The following ZMIZ1 variants were observed in gnomAD, a reference collection of about 807,000 sequenced individuals.
The protein encoded by ZMIZ1 is zinc finger MIZ domain-containing protein 1.
ZMIZ1 carries 17 observed loss-of-function variants against 113.9 expected under a neutral mutation model. That is an observed-to-expected ratio of 0.15 (90% CI 0.10 to 0.22). The LOEUF (loss-of-function observed/expected upper bound fraction) is 0.22. Among genes scored for constraint, ZMIZ1 ranks in the 10% least tolerant of loss-of-function variants. ZMIZ1 has a pLI of 1.00. For synonymous variants in ZMIZ1, 607 were observed against 603.1 expected (o/e 1.01, Z -0.09); for missense variants, 1,059 against 1,477.8 (o/e 0.72, Z 4.65).
chr10:79,078,823 T>C (rs1842565679), intron 1 of ZMIZ1, among the ~76,000 whole-genome samples: 1 of 151,654 alleles, frequency 6.6e-6, no homozygotes, highest in African/African-American at 2.4e-5. Context: ...GTGCTGGGAT[T>C]ACAAGCATGA....
At chr10:79,157,253 T>G (rs1390710205) in intron 3 of ZMIZ1, among the ~76,000 whole-genome samples, 1 of 151,954 alleles carries the variant, frequency 6.6e-6, no homozygotes, top group Non-Finnish European at 1.5e-5. Context: ...GTGCTGAGGA[T>G]GGAGTGATGG....
chr10:79,077,730 T>G (rs115946053), intron 1 of ZMIZ1, among the ~76,000 whole-genome samples: 1 of 152,340 alleles, frequency 6.6e-6, no homozygotes, highest in African/African-American at 2.4e-5. Context: ...TTCTCCGACT[T>G]TGGTCTCCAC....
intron 4 of ZMIZ1, among the ~76,000 whole-genome samples, chr10:79,198,025 T>C (rs1483895362): frequency 6.6e-6 from 1 of 152,104 alleles, no homozygotes; most frequent in Non-Finnish European, 1.5e-5. Context: ...TTTTGGAGGC[T>C]GAGATGGGTG....
Position 79,309,267 on chromosome 10 carries a change from G to A in ZMIZ1, c.2836-1657G>A, listed in dbSNP as rs147553340. Among the ~76,000 whole-genome samples the A allele has an allele frequency of 4.4e-3, 668 of 152,284 alleles. 14 individuals are homozygous for A. The highest frequency in any genetic ancestry group is 0.039 in the Admixed American group (597 of 15,296). ...CCAACAGCACCTGCCCCTCCATGCC[G>A]GAGACATTCCAGCCAGATACGAAGC... On this transcript the variant is annotated intron_variant, in intron 23 of 24. Transcript: ENST00000334512.
In ZMIZ1 at chr10:79,238,871, A is replaced by C. The variant is rs1589463527; in HGVS notation, c.280+22597A>C. ...GAAAATGCCTGGAAGTGTGCCTGCCAACCAGCAAGCTCTCAGTAACCATGA... is the reference window on the plus strand; with the variant it reads ...GAAAATGCCTGGAAGTGTGCCTGCCCACCAGCAAGCTCTCAGTAACCATGA... On this transcript the variant is annotated intron_variant, in intron 7 of 24. Coordinates refer to ENST00000334512, the MANE Select transcript of ZMIZ1 (RefSeq NM_020338.4). 3.3e-5 allele frequency among the ~76,000 whole-genome samples: 5 copies of C among 152,324 alleles called. No homozygotes were observed. The South Asian group carries it at 1.0e-3, about 32-fold the overall frequency.
chr10:79,271,696 T>C (rs1240378432), intron 7 of ZMIZ1, among the ~76,000 whole-genome samples: 1 of 152,068 alleles, frequency 6.6e-6, no homozygotes, highest in East Asian at 1.9e-4. Flanking sequence ...ATTTTATAGA[T>C]GGGAAACTGG....
intron 1 of ZMIZ1, among the ~76,000 whole-genome samples, chr10:79,102,571 A>G (rs776808829): frequency 1.3e-5 from 2 of 152,218 alleles, no homozygotes; most frequent in Non-Finnish European, 2.9e-5. Context: ...TGCAACAGAA[A>G]TATTGGAGCC....
chr10:79,102,850 A>T (rs1240991974), intron 1 of ZMIZ1, among the ~76,000 whole-genome samples: 1 of 152,162 alleles, frequency 6.6e-6, no homozygotes, highest in Non-Finnish European at 1.5e-5. Flanking sequence ...GTAGCTGTTC[A>T]CTCACTTGTT....
At chr10:79,298,626 C>T in intron 15 of ZMIZ1, 46 bp downstream of exon 15, 1 of 1,536,348 alleles carries the variant, frequency 6.5e-7, no homozygotes, top group Admixed American at 2.1e-5. Context: ...CTGGGCCCCC[C>T]AGTGGGCCGG....
intron 1 of ZMIZ1, among the ~76,000 whole-genome samples, chr10:79,096,167 G>C (rs191055901): frequency 1.6e-4 from 24 of 152,310 alleles, no homozygotes; most frequent in Admixed American, 1.5e-3. Context: ...CTGGAGGAGA[G>C]GGGGAGGAGA....
At chr10:79,268,633 G>A (rs537395672) in intron 7 of ZMIZ1, among the ~76,000 whole-genome samples, 11 of 152,238 alleles carry the variant, frequency 7.2e-5, no homozygotes, top group African/African-American at 2.4e-4. Context: ...AAATCCGATC[G>A]TGGCCCCAGG....
rs1372739684 is a variant in ZMIZ1 at position 79,263,884 on chromosome 10, C to G, written c.281-13297C>G. Among the ~76,000 whole-genome samples, 4 of 152,142 alleles carry G rather than the reference C, an allele frequency of 2.6e-5. No individual in the cohort carries two copies. In the East Asian group the frequency reaches 7.7e-4, roughly 29 times the overall value. On this transcript the variant is annotated intron_variant, in intron 7 of 24. Transcript: ENST00000334512. The stretch of plus-strand genomic sequence containing the variant: ...CTCACTCCAACCACTTCTTCTTATG[C>G]TGGGTGGGAGAGGACACAGCTAAAC...
intron 2 of ZMIZ1, among the ~76,000 whole-genome samples, chr10:79,131,394 G>T (rs1844762095): frequency 6.6e-6 from 1 of 151,072 alleles, no homozygotes; most frequent in African/African-American, 2.5e-5. Flanking sequence ...AGGTTTTTCA[G>T]GGGGTTTATC....
At chr10:79,232,847 C>T (rs1849446318) in intron 7 of ZMIZ1, among the ~76,000 whole-genome samples, 1 of 152,222 alleles carries the variant, frequency 6.6e-6, no homozygotes, top group Admixed American at 6.5e-5. Context: ...AGATGTGCCA[C>T]TTTGAGCCTC....
chr10:79,141,843 G>A (rs1239495174), intron 3 of ZMIZ1, among the ~76,000 whole-genome samples: 1 of 152,234 alleles, frequency 6.6e-6, no homozygotes, highest in East Asian at 1.9e-4. Flanking sequence ...AGGGGGCGAA[G>A]TCAGAGAGAT....
intron 4 of ZMIZ1, among the ~76,000 whole-genome samples, chr10:79,183,374 A>C (rs1454750851): frequency 1.3e-5 from 2 of 152,066 alleles, no homozygotes; most frequent in African/African-American, 4.8e-5. Flanking sequence ...ACACACACAC[A>C]CACACACACG....
chr10:79,098,115 C>T (rs1843235549), intron 1 of ZMIZ1, among the ~76,000 whole-genome samples: 1 of 152,110 alleles, frequency 6.6e-6, no homozygotes, highest in Admixed American at 6.5e-5. Flanking sequence ...ATCATTCCTA[C>T]CTAAGGGTCA....
chr10:79,167,318 T>G (rs1308288395), intron 4 of ZMIZ1, among the ~76,000 whole-genome samples: 2 of 152,240 alleles, frequency 1.3e-5, no homozygotes, highest in African/African-American at 4.8e-5. Context: ...ATACTAAGTC[T>G]TTGAAATCCA....
At chr10:79,216,320 G>T in intron 7 of ZMIZ1, 46 bp downstream of exon 7, 1 of 1,529,052 alleles carries the variant, frequency 6.5e-7, no homozygotes. Context: ...GAGGTGGGGA[G>T]GGGAACTGAC....
Sources: gnomAD v4.1 joint callset for allele counts (sites outside exome capture counted in the v4.1 genomes callset) on GRCh38, gnomAD v4.1.1 for gene constraint, MANE v1.5 for transcripts, NCBI Gene and HGNC (gene_info 2026-07-23, HGNC 2026-07-21) for gene names.